ZNF596: variants seen among roughly 807,000 people sequenced by gnomAD.
ZNF596 encodes the protein zinc finger protein 596.
In ZNF596, 45 loss-of-function variants were observed where a neutral mutation model predicts 48.3. The observed-to-expected ratio is 0.93, with a 90% CI of 0.73 to 1.19. The LOEUF (loss-of-function observed/expected upper bound fraction) is 1.19, where lower values mean the gene tolerates loss of function less well. Ranked by LOEUF, ZNF596 falls within the 50% of genes most tolerant of loss-of-function variation. The pLI is 0.00. For synonymous variants in ZNF596, 270 were observed against 202.0 expected (o/e 1.34, Z -2.85); for missense variants, 848 against 599.7 (o/e 1.41, Z -4.32).
intron 1 of ZNF596, among the ~76,000 whole-genome samples, chr8:238,027 CCTTGGAGGA>C: frequency 6.6e-6 from 1 of 152,188 alleles, no homozygotes. Flanking sequence ...TTGCTGGCCT[CCTTGGAGGA>C]CTTAGAGAAT....
intron 4 of ZNF596, chr8:244,320 C>T (rs564895264): frequency 1.2e-5 from 4 of 323,442 alleles, no homozygotes; most frequent in African/African-American, 4.4e-5. Context: ...TTGTCTTTGT[C>T]TTTTGTAAAG....
chr8:246,280 C>G lies in ZNF596; in HGVS notation c.1433C>G (p.Pro478Arg), dbSNP rs1797085524. 6.2e-7 allele frequency: 1 copy of G among 1,609,404 alleles called. No individual in the cohort carries two copies. Among genetic ancestry groups the G allele is most frequent in the African/African-American group, 1.3e-5 (1 of 74,566 alleles). ...ACTGGAGAGAAACCATATGTATGTC[C>G]TCTATGTGGGAAAGCCTTTAGTAAA... ...VHTGEKPYVC[P>R]LCGKAFSKFF... Residue 478 changes from proline to arginine, a missense_variant, in exon 6 of 6, where the codon CCT becomes CGT. By Grantham distance (103) the Pro-to-Arg change is moderately radical. Transcript: ENST00000398612.
intron 4 of ZNF596, 177 bp downstream of exon 4, chr8:243,982 G>C (rs1796958952): frequency 4.5e-6 from 2 of 448,376 alleles, no homozygotes; most frequent in East Asian, 9.0e-5. Flanking sequence ...CTGCTTCCCA[G>C]ATTCAAGTGA....
Position 246,260 on chromosome 8 carries a change from A to G in ZNF596, c.1413A>G (p.Gly471=). Residue 471 remains glycine, a synonymous_variant, in exon 6 of 6, where the codon GGA becomes GGG. Coordinates refer to ENST00000398612, the MANE Select transcript of ZNF596 (RefSeq NM_001042416.3). The part of the protein sequence containing the change: ...NFRLHRRVHT[G]EKPYVCPLCG... ...GACTTCATAGAAGAGTTCACACTGG[A>G]GAGAAACCATATGTATGTCCTCTAT... The G allele has an allele frequency of 1.9e-6, 3 of 1,613,268 alleles. No homozygotes were observed. Among genetic ancestry groups the G allele is most frequent in the Non-Finnish European group, 2.5e-6 (3 of 1,179,590 alleles).
In ZNF596 at chr8:243,740, C is replaced by T. The variant is rs770108158; in HGVS notation, c.158C>T (p.Ser53Leu). 1.9e-6 allele frequency: 3 copies of T among 1,613,690 alleles called. No homozygotes were observed. The highest frequency in any genetic ancestry group is 2.5e-6 in the Non-Finnish European group (3 of 1,179,740). ...AAAACAGGCAAACAGCTCTGCAAAT[C>T]AGTTGTGCTTTCCCAATTGGAGCAA... ...LVSIGKQLCK[S>L]VVLSQLEQVE... The change falls in exon 4 of 6, where the codon TCA becomes TTA. Residue 53 changes from serine (S) to leucine (L), a missense_variant. Physicochemically the swap from Ser to Leu is moderately radical, Grantham distance 145 (BLOSUM62 -2). Coordinates refer to ENST00000398612, the MANE Select transcript of ZNF596 (RefSeq NM_001042416.3).
At chr8:242,817 C>G in intron 2 of ZNF596, 70 bp from the exon 3 acceptor site, 1 of 1,374,292 alleles carries the variant, frequency 7.3e-7, no homozygotes, top group South Asian at 2.0e-5. Flanking sequence ...AGTACAGTCA[C>G]TTTGATCTTG....
At chr8:234,986 G>A (rs1157623619) in intron 1 of ZNF596, 3 of 152,144 alleles carry the variant, frequency 2.0e-5, no homozygotes, top group Non-Finnish European at 2.9e-5. Context: ...TTGATGAGAG[G>A]AAATGTGTTC....
chr8:236,476 G>A (rs1364240252), intron 1 of ZNF596, among the ~76,000 whole-genome samples: 1 of 152,090 alleles, frequency 6.6e-6, no homozygotes, highest in African/African-American at 2.4e-5. Context: ...GCCTCACCCA[G>A]CCTCCTTTTT....
Position 244,674 on chromosome 8 carries a change from G to T in ZNF596, c.279G>T (p.Gln93His), listed in dbSNP as rs141732813. 12 of 1,613,186 alleles carry T rather than the reference G, an allele frequency of 7.4e-6. No individual in the cohort carries two copies. The African/African-American group carries it at 1.6e-4, about 22-fold the overall frequency. The change falls in exon 5 of 6, where the codon CAG becomes CAT. Residue 93 changes from glutamine to histidine, a missense_variant. By Grantham distance (24) the Gln-to-His change is conservative. Coordinates refer to ENST00000398612, the MANE Select transcript of ZNF596 (RefSeq NM_001042416.3). Reference protein sequence around the residue: ...QEIPFIQHIYQKGTSTISTMR... With the variant: ...QEIPFIQHIYHKGTSTISTMR... ...TACCATTCATTCAACATATCTATCAGAAGGGCACGTCCACCATCAGCACAA... is the reference window on the plus strand; with the variant it reads ...TACCATTCATTCAACATATCTATCATAAGGGCACGTCCACCATCAGCACAA...
rs770706627 is a variant in ZNF596, at chr8:245,978, G to C, written c.1131G>C (p.Val377=). 6.2e-7 allele frequency: 1 copy of C among 1,613,154 alleles called. No homozygotes were observed. Among genetic ancestry groups the C allele is most frequent in the Non-Finnish European group, 8.5e-7 (1 of 1,179,760 alleles). The part of the protein sequence containing the change: ...LCGKAFTESS[V]LKRHERIHTG... The stretch of plus-strand genomic sequence containing the variant: ...GGAAAGCATTCACTGAATCTTCTGT[G>C]CTTAAACGACATGAGAGAATTCACA... The change falls in exon 6 of 6, where the codon GTG becomes GTC. Residue 377 remains valine (V), a synonymous_variant. Transcript: ENST00000398612.
chr8:234,546 A>C (rs1019181092), intron 1 of ZNF596: 3 of 152,236 alleles, frequency 2.0e-5, no homozygotes, highest in Non-Finnish European at 4.4e-5. Flanking sequence ...CCTAAGAAAG[A>C]AGCTCAGAGA....
Position 240,848 on chromosome 8 carries a change from G to A in ZNF596, c.-48G>A, listed in dbSNP as rs369535441. 6.2e-7 allele frequency: 1 copy of A among 1,612,532 alleles called. No individual in the cohort carries two copies. Among genetic ancestry groups the A allele is most frequent in the Non-Finnish European group, 8.5e-7 (1 of 1,178,590 alleles). On this transcript the variant is annotated 5_prime_UTR_variant, in exon 2 of 6. In the 5' UTR this introduces an upstream ATG that the reference lacks. Coordinates refer to ENST00000398612, the MANE Select transcript of ZNF596 (RefSeq NM_001042416.3). ...GATTTGTCTTCTTAGTGCTTGGATG[G>A]TGTGAGTGAAAACCCAGAGGAATAC...
Position 243,003 on chromosome 8 carries a change from G to A in ZNF596, c.129G>A (p.Leu43=). The A allele has an allele frequency of 6.2e-7, 1 of 1,611,240 alleles. No homozygotes were observed. Among genetic ancestry groups the A allele is most frequent in the Non-Finnish European group, 8.5e-7 (1 of 1,177,936 alleles). The change falls in exon 3 of 6, where the codon CTG becomes CTA. Residue 43 remains leucine, a synonymous_variant. Coordinates refer to ENST00000398612, the MANE Select transcript of ZNF596 (RefSeq NM_001042416.3). ...QDVMLENISH[L]VSIGKQLCKS... is the part of the protein sequence containing the mutation. ...TGATGTTGGAGAACATCAGTCATCT[G>A]GTCTCTATTGGTGAGTCTCTTTATA...
intron 3 of ZNF596, 30 bp from the exon 4 acceptor site, chr8:243,691 CA>C: frequency 6.2e-7 from 1 of 1,609,732 alleles, no homozygotes; most frequent in Non-Finnish European, 8.5e-7. Flanking sequence ...GCACAGAACT[CA>C]AAATCCATGT....
At chr8:241,376 G>A (rs1796848574) in intron 2 of ZNF596, among the ~76,000 whole-genome samples, 1 of 152,138 alleles carries the variant, frequency 6.6e-6, no homozygotes, top group African/African-American at 2.4e-5. Context: ...TGAAGGGAAA[G>A]CAGATAGGGT....
chr8:245,470 C>T lies in ZNF596; in HGVS notation c.623C>T (p.Ser208Phe), dbSNP rs771338527. 6.2e-7 allele frequency: 1 copy of T among 1,614,176 alleles called. No individual in the cohort carries two copies. Among genetic ancestry groups the T allele is most frequent in the Non-Finnish European group, 8.5e-7 (1 of 1,180,022 alleles). Residue 208 changes from serine to phenylalanine, a missense_variant, in exon 6 of 6, where the codon TCT becomes TTT. Transcript: ENST00000398612. Reference sequence around the variant, plus strand: ...TGTGGGAAAACCTTTAGCAAAAATTCTAATCTTAGGCGACATGAGATGATT... The same window carrying T: ...TGTGGGAAAACCTTTAGCAAAAATTTTAATCTTAGGCGACATGAGATGATT... ...RVCGKTFSKNSNLRRHEMIHT... is the reference protein window; with the variant it reads ...RVCGKTFSKNFNLRRHEMIHT...
At position 246,345 on chromosome 8, in the gene ZNF596, AAAG is replaced by A; in HGVS notation, c.1499_1501del (p.Lys500_Ala501delinsThr). The A allele has an allele frequency of 1.3e-6, 2 of 1,587,456 alleles. No individual in the cohort carries two copies. The highest frequency in any genetic ancestry group is 1.7e-6 in the Non-Finnish European group (2 of 1,170,710). On this transcript the variant is annotated inframe_deletion, in exon 6 of 6. Transcript: ENST00000398612. ...ACAACATGAGAGAACTCACACTAAA[AAAG>A]CAATGAATATGTAAGAATCATCAGC...
At position 246,426 on chromosome 8, in the gene ZNF596, G is replaced by A; in HGVS notation, c.*64G>A. On this transcript the variant is annotated 3_prime_UTR_variant, in exon 6 of 6. Coordinates refer to ENST00000398612, the MANE Select transcript of ZNF596 (RefSeq NM_001042416.3). The stretch of plus-strand genomic sequence containing the variant: ...GACAAACATACTACAGGAATATTAT[G>A]TCTGTAATCAGTGTGGAAAAGCCTT... 2.7e-6 allele frequency: 4 copies of A among 1,502,908 alleles called. No homozygotes were observed. Among genetic ancestry groups the A allele is most frequent in the South Asian group, 1.4e-5 (1 of 73,182 alleles). The allele number at this position is 1,502,908 out of a possible 1,614,324, so 93.1% of individuals were successfully genotyped here.
At chr8:234,654 G>A (rs1390155534) in intron 1 of ZNF596, 3 of 152,208 alleles carry the variant, frequency 2.0e-5, no homozygotes, top group East Asian at 1.9e-4. Flanking sequence ...GTTGTTTTTA[G>A]GATGTGGTAA....
Sources: gnomAD v4.1 joint callset for allele counts (sites outside exome capture counted in the v4.1 genomes callset) on GRCh38, gnomAD v4.1.1 for gene constraint, MANE v1.5 for transcripts, NCBI Gene and HGNC (gene_info 2026-07-23, HGNC 2026-07-21) for gene names.